Variants in PCDHA3 observed in about 807,000 individuals in gnomAD.
PCDHA3 encodes protocadherin alpha-3.
Under a neutral mutation model 62.2 loss-of-function variants are expected in PCDHA3, and 41 were observed. That is an observed-to-expected ratio of 0.66 (90% confidence interval 0.51 to 0.86). The LOEUF (loss-of-function observed/expected upper bound fraction) is 0.86, where lower values mean the gene tolerates loss of function less well. Among genes scored for constraint, PCDHA3 ranks in the 40% least tolerant of loss-of-function variants. The pLI is 0.00. For synonymous variants in PCDHA3, 640 were observed against 555.4 expected (o/e 1.15, Z -2.14); for missense variants, 1,304 against 1,241.2 (o/e 1.05, Z -0.76).
In PCDHA3 at chr5:140,982,542, A is replaced by T; in HGVS notation, c.2521A>T (p.Thr841Ser). 6.2e-7 allele frequency: 1 copy of T among 1,614,210 alleles called. No individual in the cohort carries two copies. Among genetic ancestry groups the T allele is most frequent in the Non-Finnish European group, 8.5e-7 (1 of 1,180,042 alleles). The change falls in exon 3 of 4, where the codon ACA becomes TCA. Residue 841 changes from threonine (T) to serine (S), a missense_variant. Transcript: ENST00000522353. ...AGGAGGGCCTGATCAGCAGTGGCCA[A>T]CAGTATCCAGTGCAACACCAGGTAA... is the stretch of plus-strand genomic sequence containing the variant. The part of the protein sequence containing the change: ...GPGGPDQQWP[T>S]VSSATPEPEA...
intron 1 of PCDHA3, chr5:140,812,207 C>T (rs2126636246): frequency 9.9e-5 from 15 of 151,788 alleles, no homozygotes; most frequent in African/African-American, 3.4e-4. Context: ...CTAGTTACAG[C>T]TTTGTTTAGA....
intron 1 of PCDHA3, chr5:140,822,687 CG>C: frequency 6.2e-7 from 1 of 1,608,794 alleles, no homozygotes; most frequent in Non-Finnish European, 8.5e-7. Flanking sequence ...TAAAAGTTAA[CG>C]GGGAACTGGA....
chr5:140,924,909 AATAAAAT>A (rs1563069072), intron 1 of PCDHA3, among the ~76,000 whole-genome samples: 5 of 66,374 alleles, frequency 7.5e-5, no homozygotes, highest in African/African-American at 2.5e-4. Context: ...AAAAAAATAA[AATAAAAT>A]AAAATAAAAT....
rs1386349755 is a variant in PCDHA3 at position 140,814,836 on chromosome 5, T to C, written c.2394+11245T>C. The stretch of plus-strand genomic sequence containing the variant: ...GTATTGCTATCTATTTCTCCATTTC[T>C]GTGAATGTTTGCCTCATATATTTAG... On this transcript the variant is annotated intron_variant, in intron 1 of 3. Coordinates refer to ENST00000522353, the MANE Select transcript of PCDHA3 (RefSeq NM_018906.3). 4 of 152,238 alleles carry C rather than the reference T, an allele frequency of 2.6e-5. No individual in the cohort carries two copies. The South Asian group carries it at 8.3e-4, about 32-fold the overall frequency. The allele number at this position is 152,238 out of a possible 1,614,324, so 9.4% of individuals were successfully genotyped here. A position where few individuals can be genotyped will look rare whatever the true frequency, so the allele number is the denominator to read the frequency against.
intron 1 of PCDHA3, chr5:140,967,360 G>A: frequency 1.2e-6 from 2 of 1,607,656 alleles, no homozygotes; most frequent in South Asian, 1.1e-5. Context: ...TGGACCTTAA[G>A]CCCCTGCAGG....
chr5:140,808,873 G>C (rs782251323), intron 1 of PCDHA3: 14 of 1,613,080 alleles, frequency 8.7e-6, no homozygotes, highest in Non-Finnish European at 1.2e-5. Flanking sequence ...ACGACAACGC[G>C]CCAGCACTGC....
intron 1 of PCDHA3, chr5:140,806,947 T>G: frequency 1.7e-6 from 1 of 585,412 alleles, no homozygotes; most frequent in Non-Finnish European, 3.0e-6. Context: ...CAGTAGAGTG[T>G]GTGGGGGTTT....
intron 1 of PCDHA3, chr5:140,830,827 A>G (rs1334239168): frequency 6.4e-6 from 1 of 155,422 alleles, no homozygotes; most frequent in African/African-American, 2.4e-5. Context: ...TTTGAGCTTT[A>G]GGATAATTTT....
intron 2 of PCDHA3, among the ~76,000 whole-genome samples, chr5:140,979,916 A>C (rs369427870): frequency 4.1e-4 from 63 of 152,376 alleles, no homozygotes; most frequent in African/African-American, 1.4e-3. Context: ...CGTAAAGAGA[A>C]AGCCTACAAA....
rs2150347171 is a variant in PCDHA3, at chr5:140,842,877, C to T, written c.2394+39286C>T. On this transcript the variant is annotated intron_variant, in intron 1 of 3. Coordinates refer to ENST00000522353, the MANE Select transcript of PCDHA3 (RefSeq NM_018906.3). Reference sequence around the variant, plus strand: ...CACACGGAGAGCGGCAAGGTGTACGCGCTGCAGCCGCTGGACCACGAGGAG... The same window carrying T: ...CACACGGAGAGCGGCAAGGTGTACGTGCTGCAGCCGCTGGACCACGAGGAG... 18 of 1,593,980 alleles carry T rather than the reference C, an allele frequency of 1.1e-5. 2 individuals carry two copies. Among genetic ancestry groups the T allele is most frequent in the Non-Finnish European group, 1.5e-5 (18 of 1,165,432 alleles).
intron 1 of PCDHA3, chr5:140,870,750 G>C: frequency 1.2e-6 from 2 of 1,613,506 alleles, no homozygotes; most frequent in Non-Finnish European, 1.7e-6. Flanking sequence ...GCAACGTGAC[G>C]CTGCAGGTGT....
chr5:140,988,558 T>C lies in PCDHA3; in HGVS notation c.2542+5995T>C, dbSNP rs982984587. ...CCATTCATGACTTTCTTCATCTTCT[T>C]CTTGGGAAAACACTCTGTACCTTCC... On this transcript the variant is annotated intron_variant, in intron 3 of 3. Transcript: ENST00000522353. 3.9e-5 allele frequency among the ~76,000 whole-genome samples: 6 copies of C among 152,198 alleles called. 1 individual carries two copies. Among genetic ancestry groups the C allele is most frequent in the Admixed American group, 3.9e-4 (6 of 15,276 alleles).
Position 140,868,506 on chromosome 5 carries a change from A to T in PCDHA3, c.2394+64915A>T, listed in dbSNP as rs1250178704. 3 of 152,422 alleles carry T rather than the reference A, an allele frequency of 2.0e-5. No individual in the cohort carries two copies. The East Asian group carries it at 5.8e-4, about 29-fold the overall frequency. 9.4% of individuals were successfully genotyped at this position (152,422 alleles called of 1,614,324 possible). On this transcript the variant is annotated intron_variant, in intron 1 of 3. Transcript: ENST00000522353. ...TTTTCTTTGAGTTCCCTAGCAGCCA[A>T]AGTAACAAGGGAGACTGAAAGTAAA... is the stretch of plus-strand genomic sequence containing the variant.
intron 3 of PCDHA3, among the ~76,000 whole-genome samples, chr5:140,994,116 T>C: frequency 6.6e-6 from 1 of 152,196 alleles, no homozygotes; most frequent in East Asian, 1.9e-4. Context: ...CATTGTCATG[T>C]GATAAGGGCG....
At chr5:140,962,384 A>G (rs1234630298) in intron 1 of PCDHA3, among the ~76,000 whole-genome samples, 7 of 152,202 alleles carry the variant, frequency 4.6e-5, no homozygotes, top group Non-Finnish European at 8.8e-5. Context: ...ATCTGTTAAT[A>G]TTACGCAATC....
In PCDHA3 at chr5:140,801,630, T is replaced by A. The variant is rs1554121592; in HGVS notation, c.433T>A (p.Ser145Thr). The change falls in exon 1 of 4, where the codon TCC becomes ACC. Residue 145 changes from serine (S) to threonine (T), a missense_variant. By Grantham distance (58) the Ser-to-Thr change is moderately conservative. Coordinates refer to ENST00000522353, the MANE Select transcript of PCDHA3 (RefSeq NM_018906.3). ...TGTAAAGAATCTGTTTATTTCCGAA[T>A]CCCGACAGCCTGGCTCTCGGTTTTC... ...MAVKNLFISESRQPGSRFSLE... is the reference protein window; with the variant it reads ...MAVKNLFISETRQPGSRFSLE... 6.2e-7 allele frequency: 1 copy of A among 1,613,850 alleles called. No individual in the cohort carries two copies. The highest frequency in any genetic ancestry group is 2.2e-5 in the East Asian group (1 of 44,878).
chr5:140,845,180 T>C (rs1554140853), intron 1 of PCDHA3, among the ~76,000 whole-genome samples: 1 of 149,340 alleles, frequency 6.7e-6, no homozygotes, highest in Admixed American at 6.7e-5. Context: ...TTTTAGTCCT[T>C]TAAAAAATAT....
chr5:141,009,946 A>G lies in PCDHA3; in HGVS notation c.*9A>G, dbSNP rs781855183. On this transcript the variant is annotated 3_prime_UTR_variant, in exon 4 of 4. Transcript: ENST00000522353. ...ACAACAGTGACCAGTGAGGTCCTCA[A>G]ATGGAAACAAGCCACTTAGCCAGTT... 8.8e-6 allele frequency: 14 copies of G among 1,596,354 alleles called. No homozygotes were observed. The highest frequency in any genetic ancestry group is 1.7e-4 in the Middle Eastern group (1 of 5,948).
intron 1 of PCDHA3, chr5:140,858,598 T>C: frequency 7.7e-7 from 1 of 1,294,926 alleles, no homozygotes; most frequent in Non-Finnish European, 1.1e-6. Context: ...TTCCAGGAGT[T>C]TTAAAATTTT....
Sources: allele counts gnomAD v4.1 joint callset (sites outside exome capture counted in the v4.1 genomes callset), GRCh38; gene constraint gnomAD v4.1.1; transcripts MANE v1.5; gene names NCBI Gene and HGNC (gene_info 2026-07-23, HGNC 2026-07-21).